The following SDK1 variants were observed in gnomAD, a reference collection of about 807,000 sequenced individuals.
SDK1 encodes sidekick cell adhesion molecule 1.
Under a neutral mutation model 245.5 loss-of-function variants are expected in SDK1, and 157 were observed. The observed-to-expected ratio is 0.64, with a 90% CI of 0.56 to 0.73. The LOEUF (loss-of-function observed/expected upper bound fraction) is 0.73, where lower values mean the gene tolerates loss of function less well. Among genes scored for constraint, SDK1 ranks in the 30% least tolerant of loss-of-function variants. SDK1 has a pLI of 0.00. For missense variants in SDK1, 3,583 were observed against 3,002.3 expected, an observed-to-expected ratio of 1.19 and a Z score of -4.52; for synonymous variants, 1,647 against 1,278.5, an observed-to-expected ratio of 1.29 and a Z score of -6.15.
intron 1 of SDK1, among the ~76,000 whole-genome samples, chr7:3,550,860 GT>G (rs1779380521): frequency 6.6e-6 from 1 of 152,066 alleles, no homozygotes; most frequent in South Asian, 2.1e-4. Flanking sequence ...CAAGATTAGG[GT>G]TTTGTAATTT....
chr7:4,255,763 T>C (rs1787582376), intron 44 of SDK1, among the ~76,000 whole-genome samples: 1 of 152,122 alleles, frequency 6.6e-6, no homozygotes, highest in African/African-American at 2.4e-5. Flanking sequence ...AGGGTGGAAT[T>C]TCTGTCACAC....
intron 1 of SDK1, among the ~76,000 whole-genome samples, chr7:3,578,101 A>G (rs867186387): frequency 9.2e-5 from 14 of 151,878 alleles, no homozygotes; most frequent in Admixed American, 2.6e-4. Flanking sequence ...ATTTTTTATC[A>G]GGGGAACCCA....
At chr7:3,733,695 G>A (rs557319080) in intron 4 of SDK1, among the ~76,000 whole-genome samples, 1 of 152,152 alleles carries the variant, frequency 6.6e-6, no homozygotes, top group African/African-American at 2.4e-5. Flanking sequence ...AAACACAGAT[G>A]TATGAAATAA....
At chr7:4,100,173 A>G (rs566853019) in intron 22 of SDK1, among the ~76,000 whole-genome samples, 2 of 152,294 alleles carry the variant, frequency 1.3e-5, no homozygotes, top group East Asian at 3.9e-4. Flanking sequence ...GGGAGTGTCA[A>G]CGTCCCTGTT....
chr7:3,823,133 C>T (rs901316849), intron 5 of SDK1, among the ~76,000 whole-genome samples: 1 of 152,104 alleles, frequency 6.6e-6, no homozygotes, highest in African/African-American at 2.4e-5. Context: ...GCATGCTGTA[C>T]TGTGACGTAA....
At chr7:3,533,137 G>A (rs781456591) in intron 1 of SDK1, among the ~76,000 whole-genome samples, 3 of 152,186 alleles carry the variant, frequency 2.0e-5, no homozygotes, top group Non-Finnish European at 4.4e-5. Context: ...GGTGGAGTTT[G>A]GTACAGTGCA....
At chr7:4,000,217 GCTTGA>G (rs1186008088) in intron 14 of SDK1, among the ~76,000 whole-genome samples, 5 of 152,236 alleles carry the variant, frequency 3.3e-5, no homozygotes, top group Non-Finnish European at 7.3e-5. Context: ...GCATCTGTGA[GCTTGA>G]CTAGAGCATG....
chr7:3,678,008 AT>A (rs1218248007), intron 4 of SDK1, among the ~76,000 whole-genome samples: 3 of 152,224 alleles, frequency 2.0e-5, no homozygotes, highest in Non-Finnish European at 4.4e-5. Context: ...TCATGAAGAG[AT>A]GTTCAGTGTC....
At chr7:3,644,798 A>AAC (rs1782774761) in intron 4 of SDK1, among the ~76,000 whole-genome samples, 1 of 88,022 alleles carries the variant, frequency 1.1e-5, no homozygotes. Flanking sequence ...AAAAACAAAA[A>AAC]ACAACAACAA....
chr7:3,689,645 A>G (rs1433734775), intron 4 of SDK1, among the ~76,000 whole-genome samples: 1 of 152,250 alleles, frequency 6.6e-6, no homozygotes, highest in Non-Finnish European at 1.5e-5. Context: ...TGAACAAATT[A>G]TTTAATTTTA....
intron 1 of SDK1, among the ~76,000 whole-genome samples, chr7:3,456,451 T>A (rs1780670210): frequency 6.6e-6 from 1 of 152,204 alleles, no homozygotes; most frequent in Non-Finnish European, 1.5e-5. Context: ...CATTGCTCTA[T>A]CTTCAAGTTC....
intron 5 of SDK1, among the ~76,000 whole-genome samples, chr7:3,945,936 T>TA (rs1169342652): frequency 1.4e-5 from 1 of 73,060 alleles, no homozygotes; most frequent in Non-Finnish European, 2.7e-5. Context: ...AAAAAAAAGA[T>TA]AAAGTTTGAG....
intron 1 of SDK1, among the ~76,000 whole-genome samples, chr7:3,517,184 T>C (rs1004564408): frequency 4.6e-5 from 7 of 152,154 alleles, no homozygotes; most frequent in African/African-American, 1.7e-4. Flanking sequence ...GCATGTGGTG[T>C]GATAGGAAGC....
intron 4 of SDK1, among the ~76,000 whole-genome samples, chr7:3,712,397 C>A (rs899406019): frequency 6.6e-6 from 1 of 152,164 alleles, no homozygotes; most frequent in Non-Finnish European, 1.5e-5. Flanking sequence ...AAAACAAGTT[C>A]AGAGCTTCCA....
rs956247863 is a variant in SDK1 at position 3,467,211 on chromosome 7, A to C, written c.299-151869A>C. On this transcript the variant is annotated intron_variant, in intron 1 of 44. Coordinates refer to ENST00000404826, the MANE Select transcript of SDK1 (RefSeq NM_152744.4). ...CTGTAATATGTATGTACTACTTTAC[A>C]ATATTAAAGCACTTTCACATTTTTC... Among the ~76,000 whole-genome samples the C allele has an allele frequency of 2.0e-5, 3 of 152,110 alleles. 1 individual carries two copies. Among genetic ancestry groups the C allele is most frequent in the East Asian group, 1.9e-4 (1 of 5,198 alleles).
Position 4,265,825 on chromosome 7 carries a change from C to T in SDK1, c.*441C>T. Reference sequence around the variant, plus strand: ...ACCTCCTCTTCCAGAGAACCAGCGGCTCACACCCTTCTCAACGCAGGACAT... The same window carrying T: ...ACCTCCTCTTCCAGAGAACCAGCGGTTCACACCCTTCTCAACGCAGGACAT... On this transcript the variant is annotated 3_prime_UTR_variant, in exon 45 of 45. Coordinates refer to ENST00000404826, the MANE Select transcript of SDK1 (RefSeq NM_152744.4). The T allele has an allele frequency of 7.0e-6, 7 of 998,276 alleles. No homozygotes were observed. In the South Asian group the frequency reaches 3.2e-4, roughly 46 times the overall value. 61.8% of individuals were successfully genotyped at this position (998,276 alleles called of 1,614,324 possible). A position where few individuals can be genotyped will look rare whatever the true frequency, so the allele number is the denominator to read the frequency against.
intron 1 of SDK1, among the ~76,000 whole-genome samples, chr7:3,405,069 G>T (rs1779012356): frequency 6.6e-6 from 1 of 151,388 alleles, no homozygotes; most frequent in South Asian, 2.1e-4. Context: ...GGCAGGCTTT[G>T]TGACTTTGGA....
chr7:3,495,342 CT>C (rs1781992036), intron 1 of SDK1, among the ~76,000 whole-genome samples: 1 of 149,338 alleles, frequency 6.7e-6, no homozygotes, highest in Non-Finnish European at 1.5e-5. Flanking sequence ...ATTGCAGCCT[CT>C]GCCTCTCAGG....
At chr7:3,505,273 G>T (rs1782357936) in intron 1 of SDK1, among the ~76,000 whole-genome samples, 1 of 152,054 alleles carries the variant, frequency 6.6e-6, no homozygotes. Flanking sequence ...CTGAGACTGG[G>T]TTTCACTCTG....
Sources: gnomAD v4.1 joint callset for allele counts (sites outside exome capture counted in the v4.1 genomes callset) on GRCh38, gnomAD v4.1.1 for gene constraint, MANE v1.5 for transcripts, NCBI Gene and HGNC (gene_info 2026-07-23, HGNC 2026-07-21) for gene names.